Variants in PLCL2 observed in about 807,000 individuals in gnomAD.
The protein encoded by PLCL2 is inactive phospholipase C-like protein 2.
In PLCL2, 4 loss-of-function variants were observed where a neutral mutation model predicts 79.6. That is an observed-to-expected ratio of 0.05 (90% CI 0.02 to 0.11). The LOEUF is 0.11. PLCL2 is among the 10% of genes least tolerant of loss of function. PLCL2 has a pLI of 1.00. For missense variants in PLCL2, 895 were observed against 1,291.0 expected, an observed-to-expected ratio of 0.69 and a Z score of 4.70; for synonymous variants, 484 against 457.7, an observed-to-expected ratio of 1.06 and a Z score of -0.73.
At chr3:16,916,931 T>C (rs1248419206) in intron 1 of PLCL2, among the ~76,000 whole-genome samples, 1 of 152,178 alleles carries the variant, frequency 6.6e-6, no homozygotes, top group Non-Finnish European at 1.5e-5. Context: ...AACTTATGTG[T>C]TCTTTATCTC....
intron 5 of PLCL2, among the ~76,000 whole-genome samples, chr3:17,073,225 C>T (rs2065077654): frequency 6.6e-6 from 1 of 152,136 alleles, no homozygotes; most frequent in African/African-American, 2.4e-5. Context: ...CAGACCATGG[C>T]AATAAAGCAA....
intron 1 of PLCL2, among the ~76,000 whole-genome samples, chr3:16,943,040 G>A (rs911878353): frequency 2.6e-5 from 4 of 152,188 alleles, no homozygotes; most frequent in African/African-American, 9.7e-5. Context: ...ACTACATTCT[G>A]TTTGACTTGC....
intron 1 of PLCL2, among the ~76,000 whole-genome samples, chr3:16,927,647 G>A (rs1480340845): frequency 6.6e-6 from 1 of 152,150 alleles, no homozygotes; most frequent in Non-Finnish European, 1.5e-5. Context: ...TGTTGTGGGG[G>A]CTGTTCTGTG....
At chr3:17,032,701 G>C (rs1272970421) in intron 3 of PLCL2, among the ~76,000 whole-genome samples, 7 of 152,140 alleles carry the variant, frequency 4.6e-5, no homozygotes, top group Admixed American at 4.6e-4. Flanking sequence ...CCTGTGGAAA[G>C]TAGGAACCAA....
chr3:16,909,892 G>A (rs886743719), intron 1 of PLCL2, among the ~76,000 whole-genome samples: 1 of 152,084 alleles, frequency 6.6e-6, no homozygotes, highest in African/African-American at 2.4e-5. Flanking sequence ...TGGTCTGACT[G>A]ATTACCATTA....
intron 1 of PLCL2, among the ~76,000 whole-genome samples, chr3:16,983,591 A>G (rs1230730275): frequency 6.6e-6 from 1 of 152,160 alleles, no homozygotes; most frequent in East Asian, 1.9e-4. Context: ...AATCACTTGA[A>G]CCCGGGAAGC....
chr3:17,021,108 A>AAAAAG (rs751750702), intron 3 of PLCL2, among the ~76,000 whole-genome samples: 2 of 152,188 alleles, frequency 1.3e-5, no homozygotes, highest in Non-Finnish European at 2.9e-5. Context: ...TAACTGTAGA[A>AAAAAG]AAAAGACCAG....
intron 1 of PLCL2, among the ~76,000 whole-genome samples, chr3:16,932,359 T>C (rs1272861143): frequency 6.6e-6 from 1 of 152,234 alleles, no homozygotes; most frequent in Non-Finnish European, 1.5e-5. Context: ...TATTATTTCA[T>C]CTGATGTTTT....
At chr3:17,008,874 G>A (rs1245552665) in intron 1 of PLCL2, among the ~76,000 whole-genome samples, 1 of 152,010 alleles carries the variant, frequency 6.6e-6, no homozygotes, top group Non-Finnish European at 1.5e-5. Context: ...TTGGAGTGCT[G>A]TGGCAAGATC....
rs150088858 is a variant in PLCL2 at position 16,950,665 on chromosome 3, A to C, written c.328-59009A>C. Among the ~76,000 whole-genome samples, 70 of 151,808 alleles carry C rather than the reference A, an allele frequency of 4.6e-4. No homozygotes were observed. The East Asian group carries it at 0.013, about 28-fold the overall frequency. On this transcript the variant is annotated intron_variant, in intron 1 of 5. Transcript: ENST00000615277. ...CTCATCATTAACTAAAAAGTTTACT[A>C]TTGGCTTCTCGTAGATTCTCTTTTT... is the stretch of plus-strand genomic sequence containing the variant.
At chr3:17,065,330 CTG>C (rs2064998974) in intron 4 of PLCL2, among the ~76,000 whole-genome samples, 1 of 152,324 alleles carries the variant, frequency 6.6e-6, no homozygotes, top group South Asian at 2.1e-4. Context: ...CCTTTCAACT[CTG>C]TTGCATCTTC....
chr3:17,011,524 T>C lies in PLCL2; in HGVS notation c.2178T>C (p.Tyr726=). Residue 726 remains tyrosine (Y), a synonymous_variant, in exon 2 of 6, where the codon TAT becomes TAC. Coordinates refer to ENST00000615277, the MANE Select transcript of PLCL2 (RefSeq NM_001144382.2). The surrounding 1 kb of genome is among the most constrained non-coding windows in gnomAD (Gnocchi z 7.9). ...GWFRQNGNCG[Y]VLRPAIMREE... ...TTAGGCAGAACGGAAACTGTGGCTA[T>C]GTCCTCCGGCCAGCCATCATGAGGG... 1.9e-6 allele frequency: 3 copies of C among 1,614,160 alleles called. No individual in the cohort carries two copies. The highest frequency in any genetic ancestry group is 1.1e-5 in the South Asian group (1 of 91,080).
At chr3:16,980,275 A>ACC (rs564803425) in intron 1 of PLCL2, among the ~76,000 whole-genome samples, 7 of 120,258 alleles carry the variant, frequency 5.8e-5, no homozygotes, top group Non-Finnish European at 8.8e-5. Context: ...CGGGGGGCTG[A>ACC]CCCCCCCCAC....
At chr3:16,986,787 C>T (rs1255664989) in intron 1 of PLCL2, among the ~76,000 whole-genome samples, 4 of 151,966 alleles carry the variant, frequency 2.6e-5, no homozygotes, top group East Asian at 1.9e-4. Flanking sequence ...GAGAACCTAA[C>T]AATTGACCAA....
intron 1 of PLCL2, among the ~76,000 whole-genome samples, chr3:16,913,074 A>G (rs1008178498): frequency 2.0e-5 from 3 of 152,042 alleles, no homozygotes; most frequent in African/African-American, 7.3e-5. Flanking sequence ...AACATGTTCT[A>G]TGATACCCTT....
At chr3:16,995,573 C>G (rs981138720) in intron 1 of PLCL2, among the ~76,000 whole-genome samples, 1 of 152,220 alleles carries the variant, frequency 6.6e-6, no homozygotes, top group Non-Finnish European at 1.5e-5. Context: ...GTTGTTCACT[C>G]TGATTGGCTT....
At chr3:17,026,542 C>T (rs992333633) in intron 3 of PLCL2, among the ~76,000 whole-genome samples, 1 of 152,058 alleles carries the variant, frequency 6.6e-6, no homozygotes, top group African/African-American at 2.4e-5. Flanking sequence ...TGGGGCCATA[C>T]CATCATTTAT....
At position 17,089,863 on chromosome 3, in the gene PLCL2, G is replaced by A. The variant is rs750617511; in HGVS notation, c.3335G>A (p.Arg1112Gln). Residue 1112 changes from arginine to glutamine, a missense_variant, in exon 6 of 6, where the codon CGG becomes CAG. By Grantham distance (43) the Arg-to-Gln change is conservative. Transcript: ENST00000615277. ...AATGCTGATGTCCAGAAGCCACGCC[G>A]GAGCTTGGAAGTCATACCCGAAAAA... ...TENADVQKPR[R>Q]SLEVIPEKAN... is the part of the protein sequence containing the mutation. 36 of 1,613,804 alleles carry A rather than the reference G, an allele frequency of 2.2e-5. No individual in the cohort carries two copies. Among genetic ancestry groups the A allele is most frequent in the Non-Finnish European group, 2.8e-5 (33 of 1,179,852 alleles).
intron 3 of PLCL2, among the ~76,000 whole-genome samples, chr3:17,035,248 G>A (rs1281774971): frequency 3.3e-5 from 5 of 150,842 alleles, no homozygotes; most frequent in African/African-American, 7.5e-5. Flanking sequence ...TCCTAAATAC[G>A]TTAACATACT....
Sources: allele counts gnomAD v4.1 joint callset (sites outside exome capture counted in the v4.1 genomes callset), GRCh38; gene constraint gnomAD v4.1.1; non-coding constraint Gnocchi (gnomAD v3.1); transcripts MANE v1.5; gene names NCBI Gene and HGNC (gene_info 2026-07-23, HGNC 2026-07-21).